Variants in CNTNAP5 observed in about 807,000 individuals in gnomAD.
CNTNAP5 encodes contactin associated protein family member 5.
A neutral mutation model predicts 150.2 loss-of-function variants in CNTNAP5; 72 were observed. The observed-to-expected ratio is 0.48, with a 90% CI of 0.40 to 0.58. The LOEUF is 0.58. CNTNAP5 is among the 20% of genes least tolerant of loss of function. The pLI is 0.00. For missense variants in CNTNAP5, 1,636 were observed against 1,626.2 expected, an observed-to-expected ratio of 1.01 and a Z score of -0.10; for synonymous variants, 672 against 619.8, an observed-to-expected ratio of 1.08 and a Z score of -1.25.
chr2:124,545,578 T>C (rs925158045), intron 10 of CNTNAP5, among the ~76,000 whole-genome samples: 2 of 152,292 alleles, frequency 1.3e-5, no homozygotes, highest in East Asian at 3.9e-4. Context: ...TACTAGTCTC[T>C]TGTCAGTTTG....
intron 1 of CNTNAP5, among the ~76,000 whole-genome samples, chr2:124,063,635 C>G (rs944465294): frequency 9.9e-5 from 15 of 152,120 alleles, no homozygotes; most frequent in African/African-American, 3.1e-4. Context: ...TAATACTTCT[C>G]AAGTCCTTCT....
At chr2:124,750,305 C>A (rs368391170) in intron 14 of CNTNAP5, among the ~76,000 whole-genome samples, 2 of 152,298 alleles carry the variant, frequency 1.3e-5, no homozygotes, top group East Asian at 3.9e-4. Context: ...CTGGATGTCC[C>A]ATAGCAGCAC....
intron 3 of CNTNAP5, among the ~76,000 whole-genome samples, chr2:124,246,865 G>T (rs1687042311): frequency 6.6e-6 from 1 of 152,010 alleles, no homozygotes; most frequent in Non-Finnish European, 1.5e-5. Flanking sequence ...TATTAAACTT[G>T]CAGTTTTCTC....
rs190129389 is a variant in CNTNAP5 at position 124,452,946 on chromosome 2, G to A, written c.918+6009G>A. On this transcript the variant is annotated intron_variant, in intron 6 of 23. Coordinates refer to ENST00000682447, the MANE Select transcript of CNTNAP5 (RefSeq NM_001367498.1). Reference sequence around the variant, plus strand: ...GAGAAGGAACCAGAAAACCAACTCTGATTATATGACAAAACAATGTTCTTT... The same window carrying A: ...GAGAAGGAACCAGAAAACCAACTCTAATTATATGACAAAACAATGTTCTTT... 2.0e-5 allele frequency among the ~76,000 whole-genome samples: 3 copies of A among 152,210 alleles called. No homozygotes were observed. The East Asian group carries it at 5.8e-4, about 29-fold the overall frequency.
chr2:124,133,194 C>G (rs1683899660), intron 1 of CNTNAP5, among the ~76,000 whole-genome samples: 1 of 152,042 alleles, frequency 6.6e-6, no homozygotes, highest in Non-Finnish European at 1.5e-5. Flanking sequence ...CTAACTCAAC[C>G]TGGTGACAAA....
chr2:124,355,527 G>A (rs1689975859), intron 3 of CNTNAP5, among the ~76,000 whole-genome samples: 1 of 152,090 alleles, frequency 6.6e-6, no homozygotes, highest in Non-Finnish European at 1.5e-5. Flanking sequence ...TGTCAGCCCT[G>A]TATGCTGCAT....
rs148887815 is a variant in CNTNAP5 at position 124,581,846 on chromosome 2, C to T, written c.1756+18523C>T. Among the ~76,000 whole-genome samples the T allele has an allele frequency of 1.6e-3, 248 of 152,262 alleles. 1 individual carries two copies. The highest frequency in any genetic ancestry group is 5.7e-3 in the African/African-American group (236 of 41,556). ...GCATCCCCAGGAAGAGAAAGACTAC[C>T]TGCATTACACCATTCTCCAAAAGCG... On this transcript the variant is annotated intron_variant, in intron 11 of 23. Coordinates refer to ENST00000682447, the MANE Select transcript of CNTNAP5 (RefSeq NM_001367498.1).
At chr2:124,368,942 T>A (rs1468266584) in intron 3 of CNTNAP5, among the ~76,000 whole-genome samples, 1 of 152,190 alleles carries the variant, frequency 6.6e-6, no homozygotes, top group South Asian at 2.1e-4. Flanking sequence ...TGAATACCCA[T>A]TTTATCTTTT....
At chr2:124,712,209 T>C (rs901669960) in intron 13 of CNTNAP5, among the ~76,000 whole-genome samples, 12 of 152,186 alleles carry the variant, frequency 7.9e-5, no homozygotes, top group African/African-American at 2.9e-4. Flanking sequence ...GATACATGAA[T>C]CAATTAGTAG....
At chr2:124,803,910 A>G (rs188582885) in intron 19 of CNTNAP5, among the ~76,000 whole-genome samples, 1 of 152,250 alleles carries the variant, frequency 6.6e-6, no homozygotes, top group Non-Finnish European at 1.5e-5. Flanking sequence ...CCCCTCCCTG[A>G]CACCAGCATA....
At chr2:124,353,286 CAAAAA>C (rs565907115) in intron 3 of CNTNAP5, among the ~76,000 whole-genome samples, 100 of 88,280 alleles carry the variant, frequency 1.1e-3, no homozygotes, top group African/African-American at 3.8e-3. Flanking sequence ...AAAAACAGAC[CAAAAA>C]AAAAAAAAAA....
At chr2:124,466,531 A>C (rs1206331257) in intron 6 of CNTNAP5, among the ~76,000 whole-genome samples, 2 of 152,186 alleles carry the variant, frequency 1.3e-5, no homozygotes, top group Non-Finnish European at 2.9e-5. Flanking sequence ...GCTTCACAAA[A>C]AGTAAGGGTT....
intron 13 of CNTNAP5, among the ~76,000 whole-genome samples, chr2:124,676,859 A>C (rs577657002): frequency 6.6e-6 from 1 of 152,320 alleles, no homozygotes; most frequent in East Asian, 1.9e-4. Context: ...CATTTGAAAA[A>C]GTTAATTTTT....
At chr2:124,870,146 A>C (rs1176006537) in intron 21 of CNTNAP5, among the ~76,000 whole-genome samples, 1 of 151,858 alleles carries the variant, frequency 6.6e-6, no homozygotes, top group African/African-American at 2.4e-5. Context: ...TCCTATTATA[A>C]TAGTGAATCT....
At chr2:124,044,889 A>AACAC (rs147761848) in intron 1 of CNTNAP5, among the ~76,000 whole-genome samples, 15,615 of 143,846 alleles carry the variant, frequency 0.11, 867 homozygotes, top group Middle Eastern at 0.15. Flanking sequence ...GTAGTGAGGA[A>AACAC]ACACACACAC....
intron 1 of CNTNAP5, among the ~76,000 whole-genome samples, chr2:124,188,219 G>A (rs147094791): frequency 1.8e-3 from 278 of 152,222 alleles, no homozygotes; most frequent in African/African-American, 6.4e-3. Flanking sequence ...AGGTATCAAC[G>A]ATTCACCATA....
chr2:124,850,561 C>G (rs966563338), intron 19 of CNTNAP5, among the ~76,000 whole-genome samples: 2 of 152,226 alleles, frequency 1.3e-5, no homozygotes, highest in Non-Finnish European at 2.9e-5. Flanking sequence ...CTGTTTCAAA[C>G]TTCCAGCCTC....
At chr2:124,590,564 A>G (rs910449503) in intron 11 of CNTNAP5, among the ~76,000 whole-genome samples, 6 of 152,240 alleles carry the variant, frequency 3.9e-5, no homozygotes, top group Non-Finnish European at 7.3e-5. Flanking sequence ...TGATAAACTT[A>G]ATTAAATAAA....
At chr2:124,213,875 C>T (rs1162189987) in intron 1 of CNTNAP5, among the ~76,000 whole-genome samples, 8 of 152,066 alleles carry the variant, frequency 5.3e-5, no homozygotes, top group Admixed American at 4.6e-4. Context: ...TGAGTTTGGG[C>T]TCATTGTGGG....
Sources: allele counts gnomAD v4.1 joint callset (sites outside exome capture counted in the v4.1 genomes callset), GRCh38; gene constraint gnomAD v4.1.1; transcripts MANE v1.5; gene names NCBI Gene and HGNC (gene_info 2026-07-23, HGNC 2026-07-21).